The following CMSS1 variants were observed in gnomAD, a reference collection of about 807,000 sequenced individuals.
CMSS1 encodes cms1 ribosomal small subunit homolog, also known as protein CMSS1.
CMSS1 carries 33 observed loss-of-function variants against 43.5 expected under a neutral mutation model. That is an observed-to-expected ratio of 0.76 (90% CI 0.57 to 1.01). The LOEUF is 1.01. CMSS1 is among the 50% of genes least tolerant of loss of function. CMSS1 has a pLI of 0.00. For synonymous variants in CMSS1, 115 were observed against 117.2 expected, an observed-to-expected ratio of 0.98 and a Z score of 0.12; for missense variants, 313 against 326.4, an observed-to-expected ratio of 0.96 and a Z score of 0.32.
chr3:100,033,865 T>G (rs2065062274), intron 1 of CMSS1, among the ~76,000 whole-genome samples: 1 of 152,200 alleles, frequency 6.6e-6, no homozygotes, highest in Non-Finnish European at 1.5e-5. Flanking sequence ...TTTTCCTAAG[T>G]GAACATCTAG....
chr3:100,117,854 C>CATATATATATATATATATATATACAT (rs2066587453), intron 1 of CMSS1, among the ~76,000 whole-genome samples: 1 of 90,748 alleles, frequency 1.1e-5, no homozygotes, highest in Non-Finnish European at 2.0e-5. Flanking sequence ...TATATATATA[C>CATATATATATATATATATATATACAT]ATATATATAT....
At chr3:100,072,682 G>C (rs2065783151) in intron 1 of CMSS1, among the ~76,000 whole-genome samples, 1 of 152,176 alleles carries the variant, frequency 6.6e-6, no homozygotes, top group African/African-American at 2.4e-5. Context: ...GGGATTGCTT[G>C]AACACAGCTG....
At chr3:100,075,465 T>C (rs956237034) in intron 1 of CMSS1, 1 of 152,218 alleles carries the variant, frequency 6.6e-6, no homozygotes, top group African/African-American at 2.4e-5. Context: ...TAAACATCTC[T>C]TGCATTTTTA....
chr3:100,162,511 A>C, intron 4 of CMSS1, 79 bp downstream of exon 4: 1 of 1,468,220 alleles, frequency 6.8e-7, no homozygotes, highest in Non-Finnish European at 9.3e-7. Flanking sequence ...TCAGGCAGTC[A>C]ATTAACACAT....
chr3:100,078,102 C>G (rs2065877827), intron 1 of CMSS1, among the ~76,000 whole-genome samples: 2 of 151,700 alleles, frequency 1.3e-5, no homozygotes, highest in Admixed American at 1.3e-4. Flanking sequence ...ATAATATATG[C>G]TGGTTTGATA....
At chr3:100,049,473 T>C (rs2065333766) in intron 1 of CMSS1, among the ~76,000 whole-genome samples, 1 of 152,226 alleles carries the variant, frequency 6.6e-6, no homozygotes, top group African/African-American at 2.4e-5. Context: ...CTTCTTTTTA[T>C]TGATTGATCT....
intron 1 of CMSS1, among the ~76,000 whole-genome samples, chr3:99,908,278 G>A (rs954949988): frequency 6.6e-6 from 1 of 152,236 alleles, no homozygotes; most frequent in African/African-American, 2.4e-5. Context: ...AGAGGTATAT[G>A]TGGAAAAAGA....
chr3:99,895,456 C>T (rs1040276046), intron 1 of CMSS1, among the ~76,000 whole-genome samples: 1 of 150,122 alleles, frequency 6.7e-6, no homozygotes, highest in Non-Finnish European at 1.5e-5. Flanking sequence ...TACTGTATTT[C>T]CTTCCGCTCA....
At chr3:100,020,301 A>G (rs1471896704) in intron 1 of CMSS1, among the ~76,000 whole-genome samples, 1 of 152,196 alleles carries the variant, frequency 6.6e-6, no homozygotes, top group Non-Finnish European at 1.5e-5. Context: ...GTATTCTCGC[A>G]TTTAGGACTT....
Position 99,972,216 on chromosome 3 carries a change from T to C in CMSS1, c.64+154173T>C, listed in dbSNP as rs1708843521. Among the ~76,000 whole-genome samples, 4 of 152,230 alleles carry C rather than the reference T, an allele frequency of 2.6e-5. No individual in the cohort carries two copies. The South Asian group carries it at 8.3e-4, about 32-fold the overall frequency. On this transcript the variant is annotated intron_variant, in intron 1 of 9. Coordinates refer to ENST00000421999, the MANE Select transcript of CMSS1 (RefSeq NM_032359.4). The stretch of plus-strand genomic sequence containing the variant: ...GGGCTTAATAAATTTGATAAGGGAA[T>C]AGGAAGAAAGCTAGTCATCTCTTTC...
intron 1 of CMSS1, among the ~76,000 whole-genome samples, chr3:99,957,463 T>G (rs76578967): frequency 0.042 from 6,376 of 152,012 alleles, 200 homozygotes; most frequent in African/African-American, 0.077. Context: ...TATATATATA[T>G]AGAGAGAGAG....
Position 100,180,330 on chromosome 3 carries a change from C to A in CMSS1, c.*1942C>A, listed in dbSNP as rs2067177182. On this transcript the variant is annotated 3_prime_UTR_variant, in exon 10 of 10. Transcript: ENST00000421999. ...AGAAAATGGCTTTTCTTTTCTACCA[C>A]ATGGTCAGGCTGCAAATTTTCAAGC... 6.6e-6 allele frequency: 1 copy of A among 152,236 alleles called. No homozygotes were observed. The highest frequency in any genetic ancestry group is 2.1e-4 in the South Asian group (1 of 4,830). 9.4% of individuals were successfully genotyped at this position (152,236 alleles called of 1,614,324 possible). A position where few individuals can be genotyped will look rare whatever the true frequency, so the allele number is the denominator to read the frequency against.
At chr3:99,902,418 T>G (rs1000210252) in intron 1 of CMSS1, among the ~76,000 whole-genome samples, 7 of 152,196 alleles carry the variant, frequency 4.6e-5, no homozygotes, top group African/African-American at 9.7e-5. Flanking sequence ...CAGATGCATT[T>G]CCATGGGAGG....
intron 1 of CMSS1, among the ~76,000 whole-genome samples, chr3:99,903,229 CATGTGTG>C (rs1440408555): frequency 6.6e-6 from 1 of 151,800 alleles, no homozygotes; most frequent in Non-Finnish European, 1.5e-5. Context: ...TGTATTCATA[CATGTGTG>C]TATATGTATA....
At chr3:99,910,729 G>A (rs1246246361) in intron 1 of CMSS1, among the ~76,000 whole-genome samples, 1 of 84,028 alleles carries the variant, frequency 1.2e-5, no homozygotes, top group Non-Finnish European at 3.2e-5. Flanking sequence ...TGCCCAAATA[G>A]TTACCCATAC....
intron 1 of CMSS1, among the ~76,000 whole-genome samples, chr3:100,052,717 CA>C (rs1354278323): frequency 6.6e-6 from 1 of 152,124 alleles, no homozygotes; most frequent in South Asian, 2.1e-4. Flanking sequence ...TAAAATTTTA[CA>C]AAGGCAAGGT....
At chr3:99,829,282 G>T (rs1274111225) in intron 1 of CMSS1, among the ~76,000 whole-genome samples, 2 of 152,010 alleles carry the variant, frequency 1.3e-5, no homozygotes, top group African/African-American at 2.4e-5. Context: ...ACTGCCTTTT[G>T]TGTCAAACAT....
chr3:100,033,755 G>A (rs970432547), intron 1 of CMSS1, among the ~76,000 whole-genome samples: 3 of 152,130 alleles, frequency 2.0e-5, no homozygotes, highest in Non-Finnish European at 4.4e-5. Flanking sequence ...TGGTGACTCA[G>A]CCCTGTTCTT....
At chr3:99,886,227 G>A (rs1705891171) in intron 1 of CMSS1, among the ~76,000 whole-genome samples, 1 of 132,540 alleles carries the variant, frequency 7.5e-6, no homozygotes, top group Non-Finnish European at 1.6e-5. Context: ...TTATCACTAT[G>A]CTGAGTTCCT....
Sources: gnomAD v4.1 joint callset for allele counts (sites outside exome capture counted in the v4.1 genomes callset) on GRCh38, gnomAD v4.1.1 for gene constraint, MANE v1.5 for transcripts, NCBI Gene and HGNC (gene_info 2026-07-23, HGNC 2026-07-21) for gene names.